The following ARHGAP39 variants were observed in gnomAD, a reference collection of about 807,000 sequenced individuals.
ARHGAP39 encodes the protein rho GTPase-activating protein 39.
Under a neutral mutation model 106.9 loss-of-function variants are expected in ARHGAP39, and 44 were observed. The observed-to-expected ratio is 0.41, with a 90% CI of 0.32 to 0.53. ARHGAP39 has a LOEUF of 0.53. ARHGAP39 is among the 20% of genes least tolerant of loss of function. ARHGAP39 has a pLI of 0.21. For missense variants in ARHGAP39, 1,496 were observed against 1,577.3 expected, an observed-to-expected ratio of 0.95 and a Z score of 0.87; for synonymous variants, 768 against 693.2, an observed-to-expected ratio of 1.11 and a Z score of -1.69.
intron 3 of ARHGAP39, among the ~76,000 whole-genome samples, chr8:144,573,165 G>A (rs1200808036): frequency 6.6e-6 from 1 of 152,202 alleles, no homozygotes; most frequent in East Asian, 1.9e-4. Context: ...TGTGTTTATT[G>A]AAGCACTAGT....
chr8:144,541,978 T>TG (rs1445271569), intron 6 of ARHGAP39, among the ~76,000 whole-genome samples: 21 of 151,878 alleles, frequency 1.4e-4, no homozygotes, highest in Non-Finnish European at 2.6e-4. Context: ...TGGGTTTTTT[T>TG]TTTTTGCCTT....
intron 7 of ARHGAP39, among the ~76,000 whole-genome samples, chr8:144,536,229 G>C (rs1816948119): frequency 6.6e-6 from 1 of 152,188 alleles, no homozygotes; most frequent in African/African-American, 2.4e-5. Flanking sequence ...GCTGCCCACA[G>C]AGGCACCAAC....
intron 2 of ARHGAP39, among the ~76,000 whole-genome samples, chr8:144,601,362 G>A (rs1420577863): frequency 1.4e-5 from 2 of 138,938 alleles, no homozygotes; most frequent in East Asian, 2.2e-4. Context: ...GCGTGTGCGA[G>A]CTCATGTACC....
At position 144,533,209 on chromosome 8, in the gene ARHGAP39, G is replaced by T. The variant is rs757968895; in HGVS notation, c.2805C>A (p.Pro935=). 1.9e-6 allele frequency: 3 copies of T among 1,612,744 alleles called. No individual in the cohort carries two copies. Among genetic ancestry groups the T allele is most frequent in the Non-Finnish European group, 2.5e-6 (3 of 1,179,946 alleles). Residue 935 remains proline, a synonymous_variant, in exon 9 of 12, where the codon CCC becomes CCA. Transcript: ENST00000377307. ...EVMGMQRERY[P]ERQLPWVQTR... is the part of the protein sequence containing the mutation. ...TCTGCACCCAGGGCAGCTGGCGCTC[G>T]GGGTAGCGCTCTCTCTGCATGCCCA... is the stretch of plus-strand genomic sequence containing the variant.
At chr8:144,686,927 G>GTGAGCACTTCCCACCCCGTGACCACA (rs1822608309), upstream of ARHGAP39, among the ~76,000 whole-genome samples, 1 of 61,490 alleles carries the variant, frequency 1.6e-5, no homozygotes, top group Admixed American at 1.6e-4. Context: ...CACACTGGCG[G>GTGAGCACTTCCCACCCCGTGACCACA]CGACCATTTC....
intron 1 of ARHGAP39, among the ~76,000 whole-genome samples, chr8:144,635,955 G>A (rs567359680): frequency 3.0e-3 from 35 of 11,862 alleles, no homozygotes; most frequent in Non-Finnish European, 4.3e-3. Context: ...GGGGGCTGAG[G>A]CTACCGCCAG....
chr8:144,574,357 T>C (rs1818692964), intron 3 of ARHGAP39, among the ~76,000 whole-genome samples: 1 of 151,856 alleles, frequency 6.6e-6, no homozygotes, highest in South Asian at 2.1e-4. Context: ...CAACATGGCA[T>C]TAGCCTATTT....
intron 2 of ARHGAP39, among the ~76,000 whole-genome samples, chr8:144,597,840 C>G (rs561166038): frequency 6.6e-6 from 1 of 152,114 alleles, no homozygotes; most frequent in Non-Finnish European, 1.5e-5. Flanking sequence ...GACACAAAGG[C>G]GTGAGCACAG....
chr8:144,674,545 C>T (rs1822182256), intron 1 of ARHGAP39, among the ~76,000 whole-genome samples: 2 of 152,218 alleles, frequency 1.3e-5, no homozygotes, highest in South Asian at 4.1e-4. Flanking sequence ...TAAACTCTTA[C>T]TCTGGTCCAT....
In ARHGAP39 at chr8:144,547,712, G is replaced by A; in HGVS notation, c.1374C>T (p.His458=). ...GTGGCAGCGGCGTGGGCGGCTGGCTGTGCCGCAGCTCAGGTCCCTCCATGG... is the reference window on the plus strand; with the variant it reads ...GTGGCAGCGGCGTGGGCGGCTGGCTATGCCGCAGCTCAGGTCCCTCCATGG... The part of the protein sequence containing the change: ...YSTMEGPELR[H]SQPPTPLPQA... Residue 458 remains histidine (H), a synonymous_variant, in exon 5 of 12, where the codon CAC becomes CAT. Coordinates refer to ENST00000377307, the MANE Select transcript of ARHGAP39 (RefSeq NM_025251.3). The surrounding 1 kb of genome is among the most constrained non-coding windows in gnomAD (Gnocchi z 5.2). 6.3e-7 allele frequency: 1 copy of A among 1,591,210 alleles called. No individual in the cohort carries two copies. The highest frequency in any genetic ancestry group is 8.5e-7 in the Non-Finnish European group (1 of 1,174,628).
chr8:144,662,462 C>A (rs148246633), intron 1 of ARHGAP39, among the ~76,000 whole-genome samples: 3 of 150,154 alleles, frequency 2.0e-5, no homozygotes, highest in Non-Finnish European at 3.0e-5. Flanking sequence ...CATTATCCAC[C>A]TTGGGTCACT....
chr8:144,530,870 C>A lies in ARHGAP39; in HGVS notation c.2982G>T (p.Ala994=), dbSNP rs769830851. 1.9e-6 allele frequency: 3 copies of A among 1,607,780 alleles called. No individual in the cohort carries two copies. Residue 994 remains alanine (A), a splice_region_variant and synonymous_variant, in exon 11 of 12, where the codon GCG becomes GCT. Coordinates refer to ENST00000377307, the MANE Select transcript of ARHGAP39 (RefSeq NM_025251.3). ...CCCGGTACCACAGCTTCAGCAGGGA[C>A]GCTGGGGACACAGCACGGGGCTCAG... ...PTGLEDPHVP[A]SLLKLWYREL... is the part of the protein sequence containing the mutation.
intron 2 of ARHGAP39, among the ~76,000 whole-genome samples, chr8:144,602,118 T>TGCATGGAG (rs1166359792): frequency 2.1e-5 from 3 of 144,010 alleles, no homozygotes; most frequent in African/African-American, 7.9e-5. Context: ...TGTGTGCATG[T>TGCATGGAG]GCATGGAGGT....
rs762039801 is a variant in ARHGAP39 at position 144,547,628 on chromosome 8, G to A, written c.1458C>T (p.Gly486=). ...SSQQDTLSST[G]YSPGTRKRKS... is the part of the protein sequence containing the mutation. ...TCCGCTTGCGCGTGCCCGGGGAGTA[G>A]CCTGTGGAGGACAGGGTGTCCTGCT... is the stretch of plus-strand genomic sequence containing the variant. Residue 486 remains glycine, a synonymous_variant, in exon 5 of 12, where the codon GGC becomes GGT. Transcript: ENST00000377307. This position sits in a 1 kb window ranked among gnomAD's most constrained non-coding sequence, Gnocchi z 5.2. 212 of 1,515,998 alleles carry A rather than the reference G, an allele frequency of 1.4e-4. No homozygotes were observed. Among genetic ancestry groups the A allele is most frequent in the Non-Finnish European group, 1.6e-5 (18 of 1,133,596 alleles). The allele number at this position is 1,515,998 out of a possible 1,614,324, so 93.9% of individuals were successfully genotyped here. A position where few individuals can be genotyped will look rare whatever the true frequency, so the allele number is the denominator to read the frequency against.
chr8:144,692,335 A>G, the ARHGAP39 span, among the ~76,000 whole-genome samples: 1 of 152,130 alleles, frequency 6.6e-6, no homozygotes, highest in Non-Finnish European at 1.5e-5. Flanking sequence ...GTGTGTTACT[A>G]GCCTAAGGAG....
chr8:144,530,280 G>A lies in ARHGAP39; in HGVS notation c.*142C>T. 2 of 913,236 alleles carry A rather than the reference G, an allele frequency of 2.2e-6. No homozygotes were observed. The highest frequency in any genetic ancestry group is 1.7e-5 in the African/African-American group (1 of 59,896). 56.6% of individuals were successfully genotyped at this position (913,236 alleles called of 1,614,324 possible). On this transcript the variant is annotated 3_prime_UTR_variant, in exon 12 of 12. Transcript: ENST00000377307. The stretch of plus-strand genomic sequence containing the variant: ...TCAGACCAGGCAGAAGACGTGGGGA[G>A]CGCCGGGGCCAGGGGCCTGGGGGAG...
rs1822093023 is a variant in ARHGAP39, at chr8:144,671,247, A to C, written c.-82+14439T>G. The stretch of plus-strand genomic sequence containing the variant: ...TCCCAGCCAGGGGCACAGGGTCACC[A>C]ACAGGCAGATTCTGCAAATGACTTA... On this transcript the variant is annotated intron_variant, in intron 1 of 11. Coordinates refer to ENST00000377307, the MANE Select transcript of ARHGAP39 (RefSeq NM_025251.3). The surrounding 1 kb of genome is among the most constrained non-coding windows in gnomAD (Gnocchi z 4.5). Among the ~76,000 whole-genome samples the C allele has an allele frequency of 6.6e-6, 1 of 152,248 alleles. No individual in the cohort carries two copies. The highest frequency in any genetic ancestry group is 1.5e-5 in the Non-Finnish European group (1 of 68,040).
chr8:144,661,306 C>G (rs117492525), intron 1 of ARHGAP39, among the ~76,000 whole-genome samples: 1 of 152,204 alleles, frequency 6.6e-6, no homozygotes, highest in East Asian at 1.9e-4. Context: ...AGCCTCTCCC[C>G]GGCTCCTCTT....
At position 144,545,740 on chromosome 8, in the gene ARHGAP39, C is replaced by T. The variant is rs747197911; in HGVS notation, c.2030G>A (p.Ser677Asn). Residue 677 changes from serine to asparagine, a missense_variant, in exon 6 of 12, where the codon AGC becomes AAC. Ser to Asn is a conservative substitution (Grantham distance 46, BLOSUM62 1). Transcript: ENST00000377307. Reference sequence around the variant, plus strand: ...CAGCGTGAAAGTGGGGAAGACGCAGCTGGAGCTGGGAACGCCGCTGCGGCT... The same window carrying T: ...CAGCGTGAAAGTGGGGAAGACGCAGTTGGAGCTGGGAACGCCGCTGCGGCT... ...RQSRSGVPSS[S>N]CVFPTFTLRK... The T allele has an allele frequency of 3.4e-5, 54 of 1,611,270 alleles. No individual in the cohort carries two copies. The African/African-American group carries it at 4.7e-4, about 14-fold the overall frequency.
Sources: allele counts gnomAD v4.1 joint callset (sites outside exome capture counted in the v4.1 genomes callset), GRCh38; gene constraint gnomAD v4.1.1; non-coding constraint Gnocchi (gnomAD v3.1); transcripts MANE v1.5; gene names NCBI Gene and HGNC (gene_info 2026-07-23, HGNC 2026-07-21).